SYN3: variants seen among roughly 807,000 people sequenced by gnomAD.
The protein encoded by SYN3 is synapsin III.
A neutral mutation model predicts 65.8 loss-of-function variants in SYN3; 35 were observed. The observed-to-expected ratio is 0.53, with a 90% CI of 0.41 to 0.70. The LOEUF (loss-of-function observed/expected upper bound fraction) is 0.70. Among genes scored for constraint, SYN3 ranks in the 30% least tolerant of loss-of-function variants. SYN3 has a pLI of 0.00. For synonymous variants in SYN3, 270 were observed against 292.9 expected (o/e 0.92, Z 0.80); for missense variants, 680 against 749.0 (o/e 0.91, Z 1.08).
At chr22:32,819,010 C>T (rs948757026) in intron 6 of SYN3, among the ~76,000 whole-genome samples, 2 of 152,210 alleles carry the variant, frequency 1.3e-5, no homozygotes, top group Admixed American at 6.5e-5. Context: ...TAAATAACCT[C>T]GAGGCTGGCC....
At chr22:32,753,797 G>A (rs1182815112) in intron 6 of SYN3, among the ~76,000 whole-genome samples, 1 of 151,970 alleles carries the variant, frequency 6.6e-6, no homozygotes, top group African/African-American at 2.4e-5. Context: ...AAGCCAATGA[G>A]AGAGCCAGGG....
chr22:32,946,548 C>T lies in SYN3; in HGVS notation c.370-15067G>A, dbSNP rs1287540162. On this transcript the variant is annotated intron_variant, in intron 3 of 13. Transcript: ENST00000358763. The stretch of plus-strand genomic sequence containing the variant: ...CACACATAGGGGCCTGTTGTGGGGC[C>T]GGGGGAGGGGGAGGGATAGCATTAA... Among the ~76,000 whole-genome samples, 66 of 44,968 alleles carry T rather than the reference C, an allele frequency of 1.5e-3. 2 individuals are homozygous for T. The highest frequency in any genetic ancestry group is 3.5e-3 in the South Asian group (7 of 1,988). 29.5% of individuals were successfully genotyped at this position (44,968 alleles called of 152,430 possible).
At chr22:32,961,529 T>C (rs2051652444) in intron 3 of SYN3, among the ~76,000 whole-genome samples, 1 of 152,218 alleles carries the variant, frequency 6.6e-6, no homozygotes, top group African/African-American at 2.4e-5. Flanking sequence ...CCAACTGAGC[T>C]CATCTCATGA....
intron 7 of SYN3, among the ~76,000 whole-genome samples, chr22:32,543,699 C>T (rs777765818): frequency 4.6e-5 from 7 of 152,104 alleles, no homozygotes; most frequent in African/African-American, 9.7e-5. Flanking sequence ...GTCTGTCGTG[C>T]GGGTAGATGT....
At chr22:32,838,154 C>T (rs1240322272) in intron 6 of SYN3, among the ~76,000 whole-genome samples, 1 of 152,118 alleles carries the variant, frequency 6.6e-6, no homozygotes, top group Admixed American at 6.5e-5. Context: ...TTACTGAATC[C>T]CCAAGACATG....
chr22:32,818,657 C>T (rs1049133732), intron 6 of SYN3, among the ~76,000 whole-genome samples: 35 of 152,316 alleles, frequency 2.3e-4, no homozygotes, highest in East Asian at 5.8e-4. Flanking sequence ...GTCTCCCCTC[C>T]GGCGCTGGGC....
chr22:33,045,405 G>A (rs558630406), intron 1 of SYN3, among the ~76,000 whole-genome samples: 3 of 149,200 alleles, frequency 2.0e-5, no homozygotes, highest in Admixed American at 6.7e-5. Flanking sequence ...TACTCTCACC[G>A]TCTCTTTTCC....
chr22:32,948,397 C>T (rs2051178552), intron 3 of SYN3, among the ~76,000 whole-genome samples: 1 of 152,150 alleles, frequency 6.6e-6, no homozygotes, highest in South Asian at 2.1e-4. Flanking sequence ...TTCGAAGTTC[C>T]AGGCTCTGTT....
At chr22:32,672,758 T>A (rs2060388612) in intron 6 of SYN3, among the ~76,000 whole-genome samples, 1 of 152,150 alleles carries the variant, frequency 6.6e-6, no homozygotes, top group African/African-American at 2.4e-5. Flanking sequence ...GCTGGGGTGG[T>A]TCCCACATTG....
At chr22:32,699,882 G>A (rs938211961) in intron 6 of SYN3, among the ~76,000 whole-genome samples, 9 of 152,050 alleles carry the variant, frequency 5.9e-5, no homozygotes, top group African/African-American at 2.2e-4. Context: ...GACTCATACC[G>A]CCCAGGACAT....
At chr22:32,741,517 G>A (rs1443083730) in intron 6 of SYN3, among the ~76,000 whole-genome samples, 4 of 151,766 alleles carry the variant, frequency 2.6e-5, no homozygotes, top group African/African-American at 7.3e-5. Flanking sequence ...CACCACGTCC[G>A]GCTAATTTTT....
At chr22:32,517,478 G>A (rs1480274800) in intron 13 of SYN3, among the ~76,000 whole-genome samples, 1 of 152,204 alleles carries the variant, frequency 6.6e-6, no homozygotes, top group Non-Finnish European at 1.5e-5. Flanking sequence ...TCCCAGGAAA[G>A]TAGAGTTGCC....
rs1276770386 is a variant in SYN3, at chr22:32,518,066, T to C, written c.1587A>G (p.Pro529=). 6.5e-7 allele frequency: 1 copy of C among 1,530,942 alleles called. No homozygotes were observed. Among genetic ancestry groups the C allele is most frequent in the African/African-American group, 1.4e-5 (1 of 72,126 alleles). 94.8% of individuals were successfully genotyped at this position (1,530,942 alleles called of 1,614,324 possible). A position where few individuals can be genotyped will look rare whatever the true frequency, so the allele number is the denominator to read the frequency against. ...ACTTGAGATGCGGATGGGGTGGTGC[T>C]GGCTTCTTGGACTCTTCACCCTGCT... ...TSQQGEESKK[P]APPHPHLNKS... The change falls in exon 13 of 14, where the codon CCA becomes CCG. Residue 529 remains proline (P), a synonymous_variant. Coordinates refer to ENST00000358763, the MANE Select transcript of SYN3 (RefSeq NM_003490.4).
Position 33,006,357 on chromosome 22 carries a change from TGTATG to T in SYN3, c.301_305del (p.His101ArgfsTer16). On this transcript the variant is annotated frameshift_variant, in exon 2 of 14. Coordinates refer to ENST00000358763, the MANE Select transcript of SYN3 (RefSeq NM_003490.4). LOFTEE classifies it high-confidence loss of function. ...ACTTGCAAATTCCTACTTACCAGTC[TGTATG>T]GGCATCATCGATCACCAACAGGATC... The T allele has an allele frequency of 6.3e-7, 1 of 1,599,756 alleles. No individual in the cohort carries two copies. Among genetic ancestry groups the T allele is most frequent in the Non-Finnish European group, 8.5e-7 (1 of 1,171,202 alleles).
chr22:32,955,832 T>C (rs1398975299), intron 3 of SYN3, among the ~76,000 whole-genome samples: 1 of 151,922 alleles, frequency 6.6e-6, no homozygotes, highest in Non-Finnish European at 1.5e-5. Flanking sequence ...CCAGTGAATA[T>C]AAAGCAGGCA....
rs1469309877 is a variant in SYN3 at position 33,005,440 on chromosome 22, G to A, written c.311+912C>T. On this transcript the variant is annotated intron_variant, in intron 2 of 13. Transcript: ENST00000358763. ...ATCACCTCTGAGTACCAAACAGCTG[G>A]GATAGACTTATTCTCCAAATGCAGC... Among the ~76,000 whole-genome samples the A allele has an allele frequency of 4.6e-5, 7 of 152,148 alleles. No individual in the cohort carries two copies. In the South Asian group the frequency reaches 1.5e-3, roughly 32 times the overall value.
At position 32,634,603 on chromosome 22, in the gene SYN3, C is replaced by T. The variant is rs558817636; in HGVS notation, c.712-37867G>A. ...ACAAGTGTCTGTGGTTCCCTCCCTG[C>T]GAGGGGTTTCATGGCTTCCTTGTTT... On this transcript the variant is annotated intron_variant, in intron 6 of 13. Transcript: ENST00000358763. Among the ~76,000 whole-genome samples the T allele has an allele frequency of 9.2e-5, 14 of 152,310 alleles. No homozygotes were observed. In the South Asian group the frequency reaches 1.0e-3, roughly 11 times the overall value.
intron 9 of SYN3, among the ~76,000 whole-genome samples, chr22:32,535,999 A>G (rs2058159026): frequency 6.6e-6 from 1 of 152,200 alleles, no homozygotes. Context: ...GTGATTGGAA[A>G]AGGGAAAGTG....
intron 6 of SYN3, among the ~76,000 whole-genome samples, chr22:32,818,008 A>G (rs185691597): frequency 1.1e-4 from 17 of 152,352 alleles, no homozygotes; most frequent in Admixed American, 3.9e-4. Context: ...ACAAATTTCA[A>G]GAGCTTCAGA....
Sources: gnomAD v4.1 joint callset for allele counts (sites outside exome capture counted in the v4.1 genomes callset) on GRCh38, gnomAD v4.1.1 for gene constraint, MANE v1.5 for transcripts, NCBI Gene and HGNC (gene_info 2026-07-23, HGNC 2026-07-21) for gene names.